Variants in PCDHA5 observed in about 807,000 individuals in gnomAD.
PCDHA5 encodes the protein protocadherin alpha-5.
PCDHA5 carries 43 observed loss-of-function variants against 61.6 expected under a neutral mutation model. That is an observed-to-expected ratio of 0.70 (90% CI 0.55 to 0.90). The LOEUF (loss-of-function observed/expected upper bound fraction) is 0.90, where lower values mean the gene tolerates loss of function less well. Among genes scored for constraint, PCDHA5 ranks in the 40% least tolerant of loss-of-function variants. The probability of loss-of-function intolerance (pLI) is 0.00; values close to 1 mark genes in which losing one functional copy is unlikely to be tolerated. For missense variants in PCDHA5, 1,298 were observed against 1,222.7 expected, an observed-to-expected ratio of 1.06 and a Z score of -0.92; for synonymous variants, 627 against 543.9, an observed-to-expected ratio of 1.15 and a Z score of -2.13.
Position 140,851,010 on chromosome 5 carries a change from T to C in PCDHA5, c.2352+26883T>C, listed in dbSNP as rs200591127. 6.3e-5 allele frequency: 90 copies of C among 1,436,878 alleles called. 3 individuals are homozygous for C. In the African/African-American group the frequency reaches 1.2e-3, roughly 20 times the overall value. The allele number at this position is 1,436,878 out of a possible 1,614,324, so 89.0% of individuals were successfully genotyped here. A position where few individuals can be genotyped will look rare whatever the true frequency, so the allele number is the denominator to read the frequency against. On this transcript the variant is annotated intron_variant, in intron 1 of 3. Transcript: ENST00000529859. ...TTTTCTAGAAATCCAGCAGATTTTT[T>C]TTCTGATAAAGTAAACCCCTTAACA...
At chr5:140,973,400 A>G (rs2096585870) in intron 1 of PCDHA5, among the ~76,000 whole-genome samples, 1 of 152,244 alleles carries the variant, frequency 6.6e-6, no homozygotes, top group Non-Finnish European at 1.5e-5. Flanking sequence ...AATCATATCT[A>G]TGAGCTTCCA....
intron 1 of PCDHA5, among the ~76,000 whole-genome samples, chr5:140,924,446 G>A (rs1554201951): frequency 6.6e-6 from 1 of 152,110 alleles, no homozygotes; most frequent in African/African-American, 2.4e-5. Context: ...ATAACGAATG[G>A]GTTTGTGTGT....
chr5:140,943,139 TC>T (rs1314499841), intron 1 of PCDHA5, among the ~76,000 whole-genome samples: 5 of 151,168 alleles, frequency 3.3e-5, no homozygotes, highest in Non-Finnish European at 5.9e-5. Flanking sequence ...GTGCCTGTAG[TC>T]CCAGCTACTC....
intron 1 of PCDHA5, chr5:140,870,719 C>A (rs782257127): frequency 1.9e-6 from 3 of 1,613,084 alleles, no homozygotes; most frequent in Admixed American, 3.3e-5. Flanking sequence ...GCGCGCGATG[C>A]GGGCGTGCCG....
At chr5:140,877,260 G>C (rs1329010026) in intron 1 of PCDHA5, 3 of 1,613,652 alleles carry the variant, frequency 1.9e-6, no homozygotes, top group Non-Finnish European at 2.5e-6. Flanking sequence ...AAGTGCGCGC[G>C]GTGGACGCTG....
At position 140,985,395 on chromosome 5, in the gene PCDHA5, C is replaced by G. The variant is rs377641758; in HGVS notation, c.2500+2832C>G. 2.6e-5 allele frequency among the ~76,000 whole-genome samples: 4 copies of G among 152,302 alleles called. No individual in the cohort carries two copies. The East Asian group carries it at 7.7e-4, about 29-fold the overall frequency. On this transcript the variant is annotated intron_variant, in intron 3 of 3. Coordinates refer to ENST00000529859, the MANE Select transcript of PCDHA5 (RefSeq NM_018908.3). ...GGTCTATATAATCCAGTCACCCCAACTGTTCCCCTGGAAATGGAGTGAGGA... is the reference window on the plus strand; with the variant it reads ...GGTCTATATAATCCAGTCACCCCAAGTGTTCCCCTGGAAATGGAGTGAGGA...
At chr5:141,006,073 T>G (rs2098254106) in intron 3 of PCDHA5, among the ~76,000 whole-genome samples, 1 of 151,712 alleles carries the variant, frequency 6.6e-6, no homozygotes, top group Non-Finnish European at 1.5e-5. Context: ...AAAAATCAGA[T>G]TATTGAAGGG....
intron 1 of PCDHA5, among the ~76,000 whole-genome samples, chr5:140,941,595 A>T (rs1273931279): frequency 6.6e-6 from 1 of 152,016 alleles, no homozygotes; most frequent in African/African-American, 2.4e-5. Context: ...GATTACAGCC[A>T]TGAGCCATGG....
In PCDHA5 at chr5:140,858,699, A is replaced by T; in HGVS notation, c.2352+34572A>T. ...GAATACACTAATATTTTCCAATACAAATATGTGATATAGGTTGCAGTTCTG... is the reference window on the plus strand; with the variant it reads ...GAATACACTAATATTTTCCAATACATATATGTGATATAGGTTGCAGTTCTG... On this transcript the variant is annotated intron_variant, in intron 1 of 3. Coordinates refer to ENST00000529859, the MANE Select transcript of PCDHA5 (RefSeq NM_018908.3). 3.6e-6 allele frequency: 2 copies of T among 561,894 alleles called. 1 individual carries two copies. The highest frequency in any genetic ancestry group is 6.1e-6 in the Non-Finnish European group (2 of 326,852). 34.8% of individuals were successfully genotyped at this position (561,894 alleles called of 1,614,324 possible).
chr5:140,883,453 C>A lies in PCDHA5; in HGVS notation c.2352+59326C>A, dbSNP rs138388360. The stretch of plus-strand genomic sequence containing the variant: ...GCACCTTGACGCCGCATGTCCCCTT[C>A]AAGCTGGTGTCCACCTACAAGAACT... On this transcript the variant is annotated intron_variant, in intron 1 of 3. Transcript: ENST00000529859. 3.2e-5 allele frequency: 51 copies of A among 1,614,168 alleles called. No individual in the cohort carries two copies. In the East Asian group the frequency reaches 1.1e-3, roughly 35 times the overall value.
chr5:140,900,095 C>G (rs1299633318), intron 1 of PCDHA5, among the ~76,000 whole-genome samples: 1 of 152,160 alleles, frequency 6.6e-6, no homozygotes, highest in Non-Finnish European at 1.5e-5. Flanking sequence ...CAAGCATGCG[C>G]CACCATACCT....
At chr5:140,974,165 G>A (rs1298109600) in intron 1 of PCDHA5, among the ~76,000 whole-genome samples, 1 of 152,164 alleles carries the variant, frequency 6.6e-6, no homozygotes, top group Admixed American at 6.5e-5. Flanking sequence ...TTTCTTTCAA[G>A]AATTTTAACT....
intron 1 of PCDHA5, among the ~76,000 whole-genome samples, chr5:140,933,231 A>G (rs1488760874): frequency 4.6e-5 from 7 of 152,008 alleles, no homozygotes; most frequent in Non-Finnish European, 1.0e-4. Context: ...GCATTTATGA[A>G]AAAGAAAGGA....
intron 1 of PCDHA5, among the ~76,000 whole-genome samples, chr5:140,963,398 G>C (rs1465736344): frequency 6.6e-6 from 1 of 152,220 alleles, no homozygotes; most frequent in Admixed American, 6.5e-5. Flanking sequence ...CTCCCTACTG[G>C]ATGCTGTAGA....
intron 1 of PCDHA5, chr5:140,862,740 G>A: frequency 1.7e-6 from 1 of 577,772 alleles, no homozygotes; most frequent in South Asian, 1.4e-5. Flanking sequence ...GCTATGTGTG[G>A]GTGCACGCGG....
intron 1 of PCDHA5, among the ~76,000 whole-genome samples, chr5:140,901,937 A>G (rs2068997026): frequency 6.7e-6 from 1 of 148,692 alleles, no homozygotes; most frequent in South Asian, 2.1e-4. Context: ...ATTCCTAGGT[A>G]TATTTAGTTT....
intron 1 of PCDHA5, chr5:140,876,487 G>A (rs782413739): frequency 4.3e-6 from 7 of 1,613,904 alleles, no homozygotes; most frequent in Non-Finnish European, 5.9e-6. Flanking sequence ...GGTCCTGGTG[G>A]AAGTTCTGGA....
At position 140,822,285 on chromosome 5, in the gene PCDHA5, G is replaced by A; in HGVS notation, c.510G>A (p.Arg170=). 6.2e-7 allele frequency: 1 copy of A among 1,614,220 alleles called. No homozygotes were observed. Among genetic ancestry groups the A allele is most frequent in the Non-Finnish European group, 8.5e-7 (1 of 1,180,040 alleles). Residue 170 remains arginine, a synonymous_variant, in exon 1 of 4, where the codon AGG becomes AGA. Coordinates refer to ENST00000529859, the MANE Select transcript of PCDHA5 (RefSeq NM_018908.3). ...DIGANAQLRY[R]LNPNEYFDLD... The stretch of plus-strand genomic sequence containing the variant: ...GAGCAAATGCACAATTGAGATACAG[G>A]TTAAATCCAAACGAATATTTTGACT...
At chr5:140,896,262 T>C (rs2065465092) in intron 1 of PCDHA5, among the ~76,000 whole-genome samples, 2 of 152,258 alleles carry the variant, frequency 1.3e-5, no homozygotes, top group African/African-American at 4.8e-5. Flanking sequence ...TGTACACAGT[T>C]ATGGGATTTG....
Sources: allele counts gnomAD v4.1 joint callset (sites outside exome capture counted in the v4.1 genomes callset), GRCh38; gene constraint gnomAD v4.1.1; transcripts MANE v1.5; gene names NCBI Gene and HGNC (gene_info 2026-07-23, HGNC 2026-07-21).